SAXO1: variants seen among roughly 807,000 people sequenced by gnomAD.
SAXO1 encodes the protein 4930500O09Rik.
Under a neutral mutation model 17.5 loss-of-function variants are expected in SAXO1, and 21 were observed. The observed-to-expected ratio is 1.20, with a 90% CI of 0.85 to 1.72. The LOEUF (loss-of-function observed/expected upper bound fraction) is 1.72. SAXO1 is among the 40% of genes most tolerant of loss of function. SAXO1 has a pLI of 0.00. For missense variants in SAXO1, 843 were observed against 596.0 expected (o/e 1.41, Z -4.32); for synonymous variants, 274 against 216.5 (o/e 1.27, Z -2.33).
At chr9:19,005,482 G>A (rs1377917487) in intron 1 of SAXO1, among the ~76,000 whole-genome samples, 1 of 152,106 alleles carries the variant, frequency 6.6e-6, no homozygotes, top group Non-Finnish European at 1.5e-5. Flanking sequence ...TCACATATAT[G>A]GTTAAGTGAG....
At chr9:18,984,358 A>G (rs891418641) in intron 1 of SAXO1, among the ~76,000 whole-genome samples, 4 of 152,246 alleles carry the variant, frequency 2.6e-5, no homozygotes, top group Non-Finnish European at 4.4e-5. Flanking sequence ...GAAGCCAGGC[A>G]TTGACTTTTC....
At chr9:18,980,760 GAA>G (rs1833351331) in intron 1 of SAXO1, among the ~76,000 whole-genome samples, 1 of 100,004 alleles carries the variant, frequency 1.0e-5, no homozygotes, top group Non-Finnish European at 1.9e-5. Flanking sequence ...TGTGGGAGGA[GAA>G]GCATATTTTT....
intron 1 of SAXO1, among the ~76,000 whole-genome samples, chr9:18,961,816 ATAG>A (rs1449383980): frequency 6.6e-6 from 1 of 152,148 alleles, no homozygotes; most frequent in Non-Finnish European, 1.5e-5. Flanking sequence ...ATGTGTCTTT[ATAG>A]TAGAATGATG....
At position 18,994,229 on chromosome 9, in the gene SAXO1, T is replaced by C. The variant is rs534157363; in HGVS notation, c.38+38642A>G. On this transcript the variant is annotated intron_variant, in intron 1 of 3. Coordinates refer to ENST00000380534, the MANE Select transcript of SAXO1 (RefSeq NM_153707.4). ...AAGGGTAGCTATGCCTATGTGGGTG[T>C]GTTTGTGTACGTGTGTTTTTACATG... 1.4e-4 allele frequency among the ~76,000 whole-genome samples: 22 copies of C among 152,226 alleles called. No individual in the cohort carries two copies. The South Asian group carries it at 4.4e-3, about 30-fold the overall frequency.
intron 1 of SAXO1, among the ~76,000 whole-genome samples, chr9:19,013,825 G>GA (rs1214670623): frequency 1.3e-5 from 2 of 152,138 alleles, no homozygotes; most frequent in Non-Finnish European, 2.9e-5. Flanking sequence ...AGGATTACAG[G>GA]TGTGAGGCGC....
At position 18,928,793 on chromosome 9, in the gene SAXO1, C is replaced by T. The variant is rs1300048464; in HGVS notation, c.684G>A (p.Arg228=). ...KRFVHEAEKF[R]PCEIPFESLT... is the part of the protein sequence containing the mutation. ...GGCTTTCAAAGGGGATTTCACAGGG[C>T]CTGAACTTCTCTGCTTCATGCACAA... The change falls in exon 4 of 4, where the codon AGG becomes AGA. Residue 228 remains arginine (R), a synonymous_variant. Transcript: ENST00000380534. 4 of 1,614,104 alleles carry T rather than the reference C, an allele frequency of 2.5e-6. No homozygotes were observed. The East Asian group carries it at 8.9e-5, about 36-fold the overall frequency.
chr9:18,942,044 A>G (rs1348138565), intron 2 of SAXO1, among the ~76,000 whole-genome samples: 2 of 116,420 alleles, frequency 1.7e-5, no homozygotes, highest in Admixed American at 7.6e-5. Flanking sequence ...AGACACCTGT[A>G]TTCATCTTTG....
chr9:19,007,273 G>A (rs1320642479), intron 1 of SAXO1, among the ~76,000 whole-genome samples: 1 of 152,018 alleles, frequency 6.6e-6, no homozygotes, highest in Non-Finnish European at 1.5e-5. Flanking sequence ...CTTGAACCCG[G>A]GAGGCAGAGG....
chr9:18,977,036 T>C (rs1833181409), intron 1 of SAXO1, among the ~76,000 whole-genome samples: 1 of 152,228 alleles, frequency 6.6e-6, no homozygotes, highest in African/African-American at 2.4e-5. Flanking sequence ...TATTTAGCTG[T>C]CACTGAAAGA....
chr9:18,989,056 A>T (rs981778243), intron 1 of SAXO1, among the ~76,000 whole-genome samples: 2 of 152,178 alleles, frequency 1.3e-5, no homozygotes, highest in Non-Finnish European at 2.9e-5. Flanking sequence ...GGACCAAAAA[A>T]AACAGCTATA....
intron 1 of SAXO1, among the ~76,000 whole-genome samples, chr9:19,008,448 C>T (rs551709615): frequency 6.6e-6 from 1 of 152,286 alleles, no homozygotes; most frequent in East Asian, 1.9e-4. Context: ...CTGACCTTTA[C>T]TTTCACAAAT....
intron 1 of SAXO1, among the ~76,000 whole-genome samples, chr9:19,013,648 G>T (rs1834848469): frequency 7.0e-6 from 1 of 142,062 alleles, no homozygotes; most frequent in African/African-American, 2.6e-5. Context: ...CCGGGTTCAA[G>T]TGATTCTCCT....
intron 1 of SAXO1, among the ~76,000 whole-genome samples, chr9:18,996,106 T>G (rs775197922): frequency 5.3e-4 from 81 of 152,102 alleles, no homozygotes; most frequent in Non-Finnish European, 1.2e-3. Context: ...AAGAAAGTTT[T>G]ATTATATAAA....
rs1003430295 is a variant in SAXO1, at chr9:18,932,344, TAAAGGC to T, written c.422-3295_422-3290del. ...TGTGAGAAGTTAACGACAATAGACA[TAAAGGC>T]TTATTTCTGTACTCTCAACTTAGTT... On this transcript the variant is annotated intron_variant, in intron 3 of 3. Coordinates refer to ENST00000380534, the MANE Select transcript of SAXO1 (RefSeq NM_153707.4). 3.9e-5 allele frequency among the ~76,000 whole-genome samples: 6 copies of T among 152,210 alleles called. 1 individual carries two copies. The South Asian group carries it at 1.2e-3, about 31-fold the overall frequency.
At chr9:18,981,278 T>C (rs1328142026) in intron 1 of SAXO1, among the ~76,000 whole-genome samples, 5 of 152,372 alleles carry the variant, frequency 3.3e-5, no homozygotes, top group African/African-American at 1.2e-4. Flanking sequence ...TAAAATACTT[T>C]CTAATAGTCT....
At chr9:19,032,025 A>G (rs1004900118) in intron 1 of SAXO1, among the ~76,000 whole-genome samples, 8 of 152,180 alleles carry the variant, frequency 5.3e-5, no homozygotes, top group Non-Finnish European at 8.8e-5. Context: ...AACTCTTACA[A>G]TAGTCCTATG....
At chr9:18,930,325 T>G (rs1165508507) in intron 3 of SAXO1, among the ~76,000 whole-genome samples, 9 of 152,112 alleles carry the variant, frequency 5.9e-5, no homozygotes, top group Non-Finnish European at 1.0e-4. Flanking sequence ...AAATCTGCAG[T>G]AGAGATGGCC....
At chr9:19,004,257 G>A (rs1234407419) in intron 1 of SAXO1, among the ~76,000 whole-genome samples, 1 of 152,208 alleles carries the variant, frequency 6.6e-6, no homozygotes, top group Non-Finnish European at 1.5e-5. Flanking sequence ...AGGATGTGGA[G>A]AAATAGGAAT....
At chr9:18,939,804 T>A (rs1006035031) in intron 3 of SAXO1, among the ~76,000 whole-genome samples, 8 of 152,208 alleles carry the variant, frequency 5.3e-5, no homozygotes, top group African/African-American at 1.9e-4. Flanking sequence ...TATCGTTTGA[T>A]AAAATGATAT....
Sources: allele counts gnomAD v4.1 joint callset (sites outside exome capture counted in the v4.1 genomes callset), GRCh38; gene constraint gnomAD v4.1.1; transcripts MANE v1.5; gene names NCBI Gene and HGNC (gene_info 2026-07-23, HGNC 2026-07-21).